CPLANE1: variants seen among roughly 807,000 people sequenced by gnomAD.
CPLANE1 encodes ciliogenesis and planar polarity effector 1.
A neutral mutation model predicts 362.5 loss-of-function variants in CPLANE1; 263 were observed. The ratio of observed to expected loss-of-function variants is 0.73; its 90% CI spans 0.66 to 0.80. The LOEUF (loss-of-function observed/expected upper bound fraction) is 0.80, where lower values mean the gene tolerates loss of function less well. Among genes scored for constraint, CPLANE1 ranks in the 30% least tolerant of loss-of-function variants. The pLI is 0.00. For missense variants in CPLANE1, 3,461 were observed against 3,793.4 expected (o/e 0.91, Z 2.30); for synonymous variants, 1,212 against 1,302.6 (o/e 0.93, Z 1.50).
rs1792065658 is a variant in CPLANE1 at position 37,209,795 on chromosome 5, A to C, written c.2921-3370T>G. On this transcript the variant is annotated intron_variant, in intron 16 of 52. Coordinates refer to ENST00000651892, the MANE Select transcript of CPLANE1 (RefSeq NM_001384732.1). This position sits in a 1 kb window ranked among gnomAD's most constrained non-coding sequence, Gnocchi z 4.6. ...AAAAAGGTTTTCTTATGCATTTTTT[A>C]AAAGGATTGGCAGAATATCATCAAG... 7.6e-7 allele frequency: 1 copy of C among 1,321,190 alleles called. No individual in the cohort carries two copies. Among genetic ancestry groups the C allele is most frequent in the Non-Finnish European group, 1.1e-6 (1 of 915,724 alleles). The allele number at this position is 1,321,190 out of a possible 1,614,324, so 81.8% of individuals were successfully genotyped here. A position where few individuals can be genotyped will look rare whatever the true frequency, so the allele number is the denominator to read the frequency against.
intron 46 of CPLANE1, among the ~76,000 whole-genome samples, chr5:37,130,095 G>A (rs1320210921): frequency 6.6e-6 from 1 of 152,180 alleles, no homozygotes; most frequent in East Asian, 1.9e-4. Flanking sequence ...GGCATTCGCA[G>A]CAACCTGGAT....
At position 37,245,839 on chromosome 5, in the gene CPLANE1, C is replaced by A. The variant is rs932952740; in HGVS notation, c.88G>T (p.Glu30Ter). The change falls in exon 3 of 53, where the codon GAA becomes TAA. Residue 30 changes from glutamate (E) to a stop codon, truncating the protein, a stop_gained. Coordinates refer to ENST00000651892, the MANE Select transcript of CPLANE1 (RefSeq NM_001384732.1). LOFTEE classifies it high-confidence loss of function. ...PRVSWLGKEK[E>*]AVFLLDDKFI... ...TTATCATCCAAAAGAAAAACGGCTT[C>A]TTTTTCCTAAGAGAAGAAACATGTG... 2 of 1,510,506 alleles carry A rather than the reference C, an allele frequency of 1.3e-6. No homozygotes were observed. The highest frequency in any genetic ancestry group is 1.8e-6 in the Non-Finnish European group (2 of 1,132,476). 93.6% of individuals were successfully genotyped at this position (1,510,506 alleles called of 1,614,324 possible). A position where few individuals can be genotyped will look rare whatever the true frequency, so the allele number is the denominator to read the frequency against.
chr5:37,192,951 G>A (rs924470911), intron 21 of CPLANE1, among the ~76,000 whole-genome samples: 7 of 148,714 alleles, frequency 4.7e-5, no homozygotes, highest in African/African-American at 1.5e-4. Context: ...GGTGGATCAC[G>A]AGGTCAGGAA....
intron 46 of CPLANE1, among the ~76,000 whole-genome samples, chr5:37,126,314 T>C (rs1286240218): frequency 6.6e-6 from 1 of 152,218 alleles, no homozygotes; most frequent in Admixed American, 6.5e-5. Context: ...CTTAGGTTCA[T>C]GCCACACTTT....
intron 46 of CPLANE1, among the ~76,000 whole-genome samples, chr5:37,132,393 G>A (rs1766159743): frequency 7.1e-6 from 1 of 140,192 alleles, no homozygotes. Context: ...CGCCCAGGCT[G>A]GAGTGCATTG....
chr5:37,085,013 C>A, the CPLANE1 span: 1 of 600,832 alleles, frequency 1.7e-6, no homozygotes, highest in Non-Finnish European at 3.0e-6. Flanking sequence ...AGAATTCTTA[C>A]ACACACCGGA....
intron 21 of CPLANE1, among the ~76,000 whole-genome samples, chr5:37,193,023 TG>T (rs1786088086): frequency 6.6e-6 from 1 of 151,826 alleles, no homozygotes; most frequent in Non-Finnish European, 1.5e-5. Context: ...AAAAATTAGC[TG>T]GGTGTGGTGG....
chr5:37,222,644 A>T (rs1047282472), intron 14 of CPLANE1, among the ~76,000 whole-genome samples: 3 of 152,226 alleles, frequency 2.0e-5, no homozygotes, highest in Non-Finnish European at 2.9e-5. Flanking sequence ...ACTCATTACA[A>T]AAACTTTTCT....
rs183134646 is a variant in CPLANE1 at position 37,240,519 on chromosome 5, A to C, written c.678-650T>G. Among the ~76,000 whole-genome samples the C allele has an allele frequency of 1.1e-4, 16 of 152,234 alleles. No individual in the cohort carries two copies. In the East Asian group the frequency reaches 3.1e-3, roughly 29 times the overall value. ...CAGCATTTTCCCAAGAGAGGGAGCAAGGGAGAGAAGGAGATTCCAGGCTCT... is the reference window on the plus strand; with the variant it reads ...CAGCATTTTCCCAAGAGAGGGAGCACGGGAGAGAAGGAGATTCCAGGCTCT... On this transcript the variant is annotated intron_variant, in intron 6 of 52. Transcript: ENST00000651892.
intron 50 of CPLANE1, among the ~76,000 whole-genome samples, chr5:37,118,388 C>A (rs1761644170): frequency 7.3e-6 from 1 of 137,916 alleles, no homozygotes; most frequent in Non-Finnish European, 1.5e-5. Flanking sequence ...GACTGGGCAA[C>A]ACACTGTGTC....
At chr5:37,216,727 T>C (rs1358765996) in intron 15 of CPLANE1, among the ~76,000 whole-genome samples, 4 of 152,172 alleles carry the variant, frequency 2.6e-5, no homozygotes, top group Admixed American at 2.6e-4. Context: ...AATTTGAAAA[T>C]AAATTAGCTT....
At chr5:37,113,969 C>G (rs1440576973) in intron 51 of CPLANE1, among the ~76,000 whole-genome samples, 1 of 152,128 alleles carries the variant, frequency 6.6e-6, no homozygotes, top group African/African-American at 2.4e-5. Flanking sequence ...CATGCCACCA[C>G]GCCCAGCTAA....
At chr5:37,220,726 T>C (rs989657177) in intron 15 of CPLANE1, among the ~76,000 whole-genome samples, 2 of 152,196 alleles carry the variant, frequency 1.3e-5, no homozygotes, top group African/African-American at 2.4e-5. Context: ...TTCACCATGT[T>C]AGCCAGGATC....
In CPLANE1 at chr5:37,107,766, T is replaced by G; in HGVS notation, c.9592A>C (p.Thr3198Pro). 1 of 1,608,492 alleles carries G rather than the reference T, an allele frequency of 6.2e-7. No individual in the cohort carries two copies. Among genetic ancestry groups the G allele is most frequent in the Non-Finnish European group, 8.5e-7 (1 of 1,177,072 alleles). Residue 3198 changes from threonine (T) to proline (P), a missense_variant, in exon 53 of 53, where the codon ACT becomes CCT. Thr to Pro is a conservative substitution (Grantham distance 38). Coordinates refer to ENST00000651892, the MANE Select transcript of CPLANE1 (RefSeq NM_001384732.1). ...HNSLLQDLSP[T>P]EEEEPEHPFG... ...GGATGCTCTGGCTCTTCCTCTTCAG[T>G]TGGAGACAAGTCCTATTAAATTGAA...
At chr5:37,216,479 G>A (rs1378740328) in intron 15 of CPLANE1, among the ~76,000 whole-genome samples, 1 of 152,216 alleles carries the variant, frequency 6.6e-6, no homozygotes, top group Admixed American at 6.5e-5. Flanking sequence ...AGCCTGGGAG[G>A]TTGAAGCTGC....
In CPLANE1 at chr5:37,183,509, A is replaced by C. The variant is rs1418423844; in HGVS notation, c.4672T>G (p.Leu1558Val). ...AGGTCTCTTTCAAGAATGTAACTCA[A>C]AAACAGATCAAGGAATTTAATATAT... ...DEYIKFLDLF[L>V]SYILERDLPY... Residue 1558 changes from leucine (L) to valine (V), a missense_variant, in exon 26 of 53, where the codon TTG becomes GTG. By Grantham distance (32) the Leu-to-Val change is conservative (BLOSUM62 1). Transcript: ENST00000651892. 6.2e-7 allele frequency: 1 copy of C among 1,613,668 alleles called. No homozygotes were observed.
In CPLANE1 at chr5:37,226,597, A is replaced by G; in HGVS notation, c.1998T>C (p.Asn666=). 1 of 1,551,468 alleles carries G rather than the reference A, an allele frequency of 6.4e-7. No homozygotes were observed. The highest frequency in any genetic ancestry group is 8.7e-7 in the Non-Finnish European group (1 of 1,146,888). Residue 666 remains asparagine (N), a synonymous_variant, in exon 12 of 53, where the codon AAT becomes AAC. Coordinates refer to ENST00000651892, the MANE Select transcript of CPLANE1 (RefSeq NM_001384732.1). ...DVGHLIKLTS[N]TVKLLLTQQQ... is the part of the protein sequence containing the mutation. ...GCTGAGTCAGCAAAAGTTTTACAGT[A>G]TTTGAGGTCAGCTTTATCAAATGCC... is the stretch of plus-strand genomic sequence containing the variant.
chr5:37,214,168 A>C (rs1483375691), intron 15 of CPLANE1, among the ~76,000 whole-genome samples: 1 of 152,248 alleles, frequency 6.6e-6, no homozygotes, highest in Non-Finnish European at 1.5e-5. Context: ...TAAAAAGTTA[A>C]AATTTATCAA....
Position 37,204,259 on chromosome 5 carries a change from A to G in CPLANE1, c.3289+1056T>C, listed in dbSNP as rs557835566. ...TAGGTTCTCTCAAAACAGAAATGTT[A>G]TAAGTTTTAGGAATCTAGAGTTAGA... On this transcript the variant is annotated intron_variant, in intron 18 of 52. Transcript: ENST00000651892. 2.5e-4 allele frequency among the ~76,000 whole-genome samples: 38 copies of G among 152,356 alleles called. 1 individual carries two copies. In the South Asian group the frequency reaches 5.2e-3, roughly 21 times the overall value.
Sources: allele counts gnomAD v4.1 joint callset (sites outside exome capture counted in the v4.1 genomes callset), GRCh38; gene constraint gnomAD v4.1.1; non-coding constraint Gnocchi (gnomAD v3.1); transcripts MANE v1.5; gene names NCBI Gene and HGNC (gene_info 2026-07-23, HGNC 2026-07-21).